CDKAL1: variants seen among roughly 807,000 people sequenced by gnomAD.
CDKAL1 encodes CDKAL1 threonylcarbamoyladenosine tRNA methylthiotransferase.
A neutral mutation model predicts 68.2 loss-of-function variants in CDKAL1; 32 were observed. The ratio of observed to expected loss-of-function variants is 0.47; its 90% CI spans 0.35 to 0.63. The LOEUF is 0.63. Among genes scored for constraint, CDKAL1 ranks in the 30% least tolerant of loss-of-function variants. The pLI is 0.00. For synonymous variants in CDKAL1, 234 were observed against 244.3 expected, an observed-to-expected ratio of 0.96 and a Z score of 0.39; for missense variants, 606 against 696.7, an observed-to-expected ratio of 0.87 and a Z score of 1.47.
intron 10 of CDKAL1, among the ~76,000 whole-genome samples, chr6:20,967,230 C>A (rs1765364429): frequency 6.6e-6 from 1 of 152,104 alleles, no homozygotes; most frequent in African/African-American, 2.4e-5. Context: ...ACCCTGTTTC[C>A]AAGTAATGTC....
In CDKAL1 at chr6:20,973,370, T is replaced by G. The variant is rs556589850; in HGVS notation, c.909+17785T>G. Among the ~76,000 whole-genome samples, 12 of 152,256 alleles carry G rather than the reference T, an allele frequency of 7.9e-5. 1 individual carries two copies. The South Asian group carries it at 1.9e-3, about 24-fold the overall frequency. On this transcript the variant is annotated intron_variant, in intron 10 of 15. Coordinates refer to ENST00000274695, the MANE Select transcript of CDKAL1 (RefSeq NM_017774.3). ...GTTTATTTTCTCATGATTGATAGGG[T>G]AAGCCAAAGTCAAAAGTACCTGTGG... is the stretch of plus-strand genomic sequence containing the variant.
intron 9 of CDKAL1, among the ~76,000 whole-genome samples, chr6:20,947,695 C>T (rs775523290): frequency 6.6e-6 from 1 of 152,182 alleles, no homozygotes; most frequent in Non-Finnish European, 1.5e-5. Flanking sequence ...CTTAAACATG[C>T]TCAGAACACT....
At chr6:20,922,439 A>G (rs974358699) in intron 9 of CDKAL1, among the ~76,000 whole-genome samples, 1 of 152,224 alleles carries the variant, frequency 6.6e-6, no homozygotes, top group Admixed American at 6.5e-5. Context: ...CATAGGAGCC[A>G]TAAAGAGGGG....
chr6:20,771,768 T>G (rs1774953367), intron 7 of CDKAL1, among the ~76,000 whole-genome samples: 1 of 152,108 alleles, frequency 6.6e-6, no homozygotes, highest in African/African-American at 2.4e-5. Flanking sequence ...ATCTGTCCCC[T>G]TCGTGTCTTT....
chr6:21,210,685 G>T (rs543120895), intron 15 of CDKAL1, among the ~76,000 whole-genome samples: 6 of 152,212 alleles, frequency 3.9e-5, no homozygotes, highest in South Asian at 2.1e-4. Context: ...TAGATCATAA[G>T]AAGTTGGAAG....
At chr6:20,910,287 G>C (rs191763918) in intron 9 of CDKAL1, among the ~76,000 whole-genome samples, 4 of 152,348 alleles carry the variant, frequency 2.6e-5, no homozygotes, top group African/African-American at 4.8e-5. Flanking sequence ...TCTTATGGGA[G>C]ATGTTTAGGT....
At chr6:20,771,111 G>A (rs922031532) in intron 7 of CDKAL1, among the ~76,000 whole-genome samples, 4 of 152,134 alleles carry the variant, frequency 2.6e-5, no homozygotes, top group African/African-American at 9.7e-5. Context: ...ATATTAAAAA[G>A]TAATCTTTCA....
intron 8 of CDKAL1, among the ~76,000 whole-genome samples, chr6:20,825,062 A>ATG: frequency 6.6e-6 from 1 of 152,208 alleles, no homozygotes; most frequent in South Asian, 2.1e-4. Flanking sequence ...TGGAGAGAGC[A>ATG]TGTGCCAAAT....
At chr6:21,172,660 G>A (rs185128298) in intron 13 of CDKAL1, among the ~76,000 whole-genome samples, 38 of 152,300 alleles carry the variant, frequency 2.5e-4, no homozygotes, top group African/African-American at 8.7e-4. Flanking sequence ...AGAAGGCTGA[G>A]GGGGGAGGAT....
chr6:21,068,611 A>G (rs1455750375), intron 12 of CDKAL1, among the ~76,000 whole-genome samples: 1 of 152,096 alleles, frequency 6.6e-6, no homozygotes, highest in Non-Finnish European at 1.5e-5. Context: ...TTCCACCCAT[A>G]CACAGGTTAA....
chr6:20,961,045 C>T (rs530482612), intron 10 of CDKAL1, among the ~76,000 whole-genome samples: 11 of 152,060 alleles, frequency 7.2e-5, no homozygotes, highest in Non-Finnish European at 1.5e-4. Flanking sequence ...GTTTTAGTTT[C>T]GTGAATTGGC....
chr6:21,117,475 C>CAA (rs11418036), intron 13 of CDKAL1, among the ~76,000 whole-genome samples: 3,179 of 148,940 alleles, frequency 0.021, 132 homozygotes, highest in African/African-American at 0.073. Flanking sequence ...CTATCTCTAC[C>CAA]AAAAAAAAAC....
rs556723762 is a variant in CDKAL1 at position 21,184,153 on chromosome 6, T to A, written c.1300-13868T>A. 2.7e-5 allele frequency among the ~76,000 whole-genome samples: 4 copies of A among 150,148 alleles called. No individual in the cohort carries two copies. The South Asian group carries it at 8.4e-4, about 32-fold the overall frequency. ...GCATCACATGACAGATAACAGGCCC[T>A]AAAAAAATGAAAATATTTTACCCCG... On this transcript the variant is annotated intron_variant, in intron 13 of 15. Coordinates refer to ENST00000274695, the MANE Select transcript of CDKAL1 (RefSeq NM_017774.3).
At chr6:20,739,697 AG>A (rs1402195774) in intron 6 of CDKAL1, 82 bp downstream of exon 6, 4 of 739,232 alleles carry the variant, frequency 5.4e-6, no homozygotes, top group Non-Finnish European at 9.0e-6. Flanking sequence ...TTCTGTTTGT[AG>A]GTTATTTGTA....
chr6:20,833,628 C>A (rs1447390672), intron 8 of CDKAL1, among the ~76,000 whole-genome samples: 1 of 152,082 alleles, frequency 6.6e-6, no homozygotes, highest in Non-Finnish European at 1.5e-5. Flanking sequence ...AAAATCTCAT[C>A]GTAAAAGGAA....
In CDKAL1 at chr6:21,022,848, C is replaced by T. The variant is rs550504436; in HGVS notation, c.1055+22476C>T. 5.5e-4 allele frequency among the ~76,000 whole-genome samples: 84 copies of T among 152,238 alleles called. 1 individual carries two copies. In the South Asian group the frequency reaches 0.012, roughly 21 times the overall value. On this transcript the variant is annotated intron_variant, in intron 11 of 15. Transcript: ENST00000274695. ...TGTTGGTGATGTTTAACAGGAAGTGCGTTACTATTCACTGTACCGTAATCC... is the reference window on the plus strand; with the variant it reads ...TGTTGGTGATGTTTAACAGGAAGTGTGTTACTATTCACTGTACCGTAATCC...
chr6:20,856,338 G>C (rs1273444951), intron 9 of CDKAL1, among the ~76,000 whole-genome samples: 1 of 152,130 alleles, frequency 6.6e-6, no homozygotes, highest in Non-Finnish European at 1.5e-5. Flanking sequence ...GTATGACTTG[G>C]AACCCATAAT....
At chr6:21,184,009 C>A (rs1277602261) in intron 13 of CDKAL1, among the ~76,000 whole-genome samples, 1 of 152,058 alleles carries the variant, frequency 6.6e-6, no homozygotes, top group African/African-American at 2.4e-5. Flanking sequence ...ATTATGCTCT[C>A]CTCTGTTTGG....
chr6:21,158,173 T>A (rs532402000), intron 13 of CDKAL1, among the ~76,000 whole-genome samples: 1 of 152,346 alleles, frequency 6.6e-6, no homozygotes, highest in African/African-American at 2.4e-5. Flanking sequence ...TATCTGAGGA[T>A]ACGCATGTTA....
Sources: gnomAD v4.1 joint callset for allele counts (sites outside exome capture counted in the v4.1 genomes callset) on GRCh38, gnomAD v4.1.1 for gene constraint, MANE v1.5 for transcripts, NCBI Gene and HGNC (gene_info 2026-07-23, HGNC 2026-07-21) for gene names.